Variants in BCAR1 observed in about 807,000 individuals in gnomAD.
BCAR1 encodes the protein breast cancer anti-estrogen resistance protein 1.
Under a neutral mutation model 67.6 loss-of-function variants are expected in BCAR1, and 30 were observed. That is an observed-to-expected ratio of 0.44 (90% CI 0.33 to 0.60). The LOEUF is 0.60. BCAR1 is among the 20% of genes least tolerant of loss of function. BCAR1 has a pLI of 0.02. For missense variants in BCAR1, 1,313 were observed against 1,222.3 expected, an observed-to-expected ratio of 1.07 and a Z score of -1.11; for synonymous variants, 626 against 556.7, an observed-to-expected ratio of 1.12 and a Z score of -1.75.
chr16:75,258,597 A>AC (rs141578742), intron 1 of BCAR1, among the ~76,000 whole-genome samples: 3,570 of 152,346 alleles, frequency 0.023, 84 homozygotes, highest in Middle Eastern at 0.12. Context: ...GCTGTTCTAC[A>AC]CAAGGTGCTT....
Position 75,229,424 on chromosome 16 carries a change from G to A in BCAR1, c.*87C>T. On this transcript the variant is annotated 3_prime_UTR_variant, in exon 7 of 7. Coordinates refer to ENST00000162330, the MANE Select transcript of BCAR1 (RefSeq NM_014567.5). Reference sequence around the variant, plus strand: ...CGCAGAGCTGGGGTCCTGTCCCTAAGCCTGTGGCACAGCGACTCTTGACAT... The same window carrying A: ...CGCAGAGCTGGGGTCCTGTCCCTAAACCTGTGGCACAGCGACTCTTGACAT... 6.9e-7 allele frequency: 1 copy of A among 1,440,526 alleles called. No individual in the cohort carries two copies. The highest frequency in any genetic ancestry group is 9.1e-7 in the Non-Finnish European group (1 of 1,097,148). 89.2% of individuals were successfully genotyped at this position (1,440,526 alleles called of 1,614,324 possible). A position where few individuals can be genotyped will look rare whatever the true frequency, so the allele number is the denominator to read the frequency against.
At chr16:75,230,311 C>CG (rs1369404562) in intron 6 of BCAR1, among the ~76,000 whole-genome samples, 3 of 152,024 alleles carry the variant, frequency 2.0e-5, no homozygotes, top group Non-Finnish European at 4.4e-5. Context: ...TGCCTGGGGT[C>CG]GGGGGGTCAC....
intron 1 of BCAR1, chr16:75,264,032 C>A: frequency 8.2e-7 from 1 of 1,222,882 alleles, no homozygotes; most frequent in Non-Finnish European, 1.0e-6. Context: ...TGGGCTGTGA[C>A]TACAAGGGAG....
At chr16:75,257,742 C>T (rs748378883) in intron 1 of BCAR1, among the ~76,000 whole-genome samples, 19 of 152,328 alleles carry the variant, frequency 1.2e-4, no homozygotes, top group Non-Finnish European at 2.4e-4. Flanking sequence ...TAAGCGTAAG[C>T]CACTGTGCCT....
At chr16:75,267,411 G>A (rs1190720170) in intron 1 of BCAR1, among the ~76,000 whole-genome samples, 1 of 147,030 alleles carries the variant, frequency 6.8e-6, no homozygotes. Flanking sequence ...GGGGTGGGGG[G>A]CCTGGACCGA....
Position 75,235,083 on chromosome 16 carries a change from T to G in BCAR1, c.1816A>C (p.Arg606=), listed in dbSNP as rs1257189738. The change falls in exon 5 of 7, where the codon AGA becomes CGA. Residue 606 remains arginine, a synonymous_variant. Coordinates refer to ENST00000162330, the MANE Select transcript of BCAR1 (RefSeq NM_014567.5). ...CCCGGGGCAGTGGCCTTGGTCCGTCTGAAGAGCAGTGAGGCATTGCCGTGC... is the reference window on the plus strand; with the variant it reads ...CCCGGGGCAGTGGCCTTGGTCCGTCGGAAGAGCAGTGAGGCATTGCCGTGC... The part of the protein sequence containing the change: ...FLHGNASLLF[R]RTKATAPGPE... 5 of 1,612,550 alleles carry G rather than the reference T, an allele frequency of 3.1e-6. No homozygotes were observed. Among genetic ancestry groups the G allele is most frequent in the Admixed American group, 3.3e-5 (2 of 60,012 alleles).
chr16:75,251,680 C>A, upstream of BCAR1: 2 of 995,034 alleles, frequency 2.0e-6, no homozygotes, highest in Non-Finnish European at 2.4e-6. Context: ...CCCAGCATGC[C>A]CGGCCGCGCG....
upstream of BCAR1, chr16:75,252,482 G>A: frequency 7.5e-7 from 1 of 1,340,246 alleles, no homozygotes; most frequent in Non-Finnish European, 9.8e-7. Context: ...GTTGCCCCTT[G>A]CTCGGTTGCA....
intron 5 of BCAR1, 88 bp from the exon 6 acceptor site, chr16:75,234,023 T>C (rs1363592322): frequency 1.5e-6 from 2 of 1,324,790 alleles, no homozygotes; most frequent in African/African-American, 2.9e-5. Context: ...GTGAGCTGAG[T>C]GGCCACCAGG....
chr16:75,251,629 G>C (rs534717022), upstream of BCAR1: 21 of 1,006,804 alleles, frequency 2.1e-5, no homozygotes, highest in Non-Finnish European at 2.4e-5. Flanking sequence ...CGGTCCAGCC[G>C]CTCTCCGCCT....
At chr16:75,245,063 C>T (rs2077472548) in intron 1 of BCAR1, among the ~76,000 whole-genome samples, 1 of 152,210 alleles carries the variant, frequency 6.6e-6, no homozygotes, top group Non-Finnish European at 1.5e-5. Context: ...ACGGGACAGG[C>T]AGTGCGGCAG....
chr16:75,231,030 G>GT (rs1160627041), intron 6 of BCAR1, among the ~76,000 whole-genome samples: 5,824 of 143,642 alleles, frequency 0.041, 344 homozygotes, highest in African/African-American at 0.13. Context: ...GCTTTGTGGG[G>GT]TTTTTTTTTT....
intron 1 of BCAR1, among the ~76,000 whole-genome samples, chr16:75,260,944 T>C (rs1172834062): frequency 6.6e-6 from 1 of 152,194 alleles, no homozygotes; most frequent in Non-Finnish European, 1.5e-5. Context: ...CCCAGACTAT[T>C]TGTGTCTTCT....
chr16:75,238,735 C>T (rs2077229737), intron 2 of BCAR1: 1 of 985,464 alleles, frequency 1.0e-6, no homozygotes, highest in Non-Finnish European at 1.2e-6. Flanking sequence ...TCTCCAGACT[C>T]ATCTCCCTCC....
At chr16:75,267,402 G>A (rs78671204) in intron 1 of BCAR1, among the ~76,000 whole-genome samples, 2 of 145,652 alleles carry the variant, frequency 1.4e-5, no homozygotes, top group African/African-American at 2.7e-5. Flanking sequence ...GCCGGGGGGG[G>A]GGTGGGGGGC....
At chr16:75,245,054 C>T (rs1372921936) in intron 1 of BCAR1, among the ~76,000 whole-genome samples, 6 of 152,294 alleles carry the variant, frequency 3.9e-5, no homozygotes, top group Non-Finnish European at 8.8e-5. Context: ...TGAGGCAGGA[C>T]GGGACAGGCA....
At position 75,242,808 on chromosome 16, in the gene BCAR1, A is replaced by G. The variant is rs753291870; in HGVS notation, c.295T>C (p.Tyr99His). 1 of 1,604,056 alleles carries G rather than the reference A, an allele frequency of 6.2e-7. No individual in the cohort carries two copies. Among genetic ancestry groups the G allele is most frequent in the East Asian group, 2.2e-5 (1 of 44,730 alleles). ...LHAPAPPASQ[Y>H]TPMLPNTYQP... The stretch of plus-strand genomic sequence containing the variant: ...TAGGTGTTGGGGAGCATGGGCGTGT[A>G]CTGGGAGGCCGGAGGCGCTGGGGCA... The change falls in exon 2 of 7, where the codon TAC becomes CAC. Residue 99 changes from tyrosine to histidine, a missense_variant. This residue lies in a region of BCAR1 where 1,272 missense variants were observed against 1,137.5 expected (regional missense o/e 1.12). Transcript: ENST00000162330.
At chr16:75,260,375 A>G (rs2151479129) in intron 1 of BCAR1, among the ~76,000 whole-genome samples, 1 of 152,196 alleles carries the variant, frequency 6.6e-6, no homozygotes, top group South Asian at 2.1e-4. Flanking sequence ...GCGGTGGCTC[A>G]TGCCTGTAAT....
At position 75,242,952 on chromosome 16, in the gene BCAR1, G is replaced by C; in HGVS notation, c.151C>G (p.Arg51Gly). 1 of 1,613,108 alleles carries C rather than the reference G, an allele frequency of 6.2e-7. No homozygotes were observed. Among genetic ancestry groups the C allele is most frequent in the South Asian group, 1.1e-5 (1 of 91,046 alleles). The change falls in exon 2 of 7, where the codon CGC (arginine) becomes GGC (glycine). Residue 51 changes from arginine (R) to glycine (G), a missense_variant. Physicochemically the swap from Arg to Gly is moderately radical, Grantham distance 125 (BLOSUM62 -2). Coordinates refer to ENST00000162330, the MANE Select transcript of BCAR1 (RefSeq NM_014567.5). Reference protein sequence around the residue: ...DGWWLCSLHGRQGIVPGNRLK... With the variant: ...DGWWLCSLHGGQGIVPGNRLK... ...CGGTTCCCAGGCACGATGCCCTGGC[G>C]CCCATGCAGCGAGCAGAGCCACCAG...
Sources: allele counts gnomAD v4.1 joint callset (sites outside exome capture counted in the v4.1 genomes callset), GRCh38; gene constraint gnomAD v4.1.1; regional missense constraint gnomAD v4.1.1; transcripts MANE v1.5; gene names NCBI Gene and HGNC (gene_info 2026-07-23, HGNC 2026-07-21).